The following SLC9D1 variants were observed in gnomAD, a reference collection of about 807,000 sequenced individuals.
SLC9D1 encodes the protein solute carrier family 9 member D1, also known as putative LAG1-interacting protein.
At chr13:113,506,071 T>TC in the SLC9D1 span, 1 of 169,406 alleles carries the variant, frequency 5.9e-6, no homozygotes, top group Non-Finnish European at 1.2e-5. Flanking sequence ...CTCTCCTGGG[T>TC]CCTAATGAAA....
the SLC9D1 span, among the ~76,000 whole-genome samples, chr13:113,533,273 TCATTCCATCCCTCTC>T: frequency 1.4e-4 from 18 of 131,526 alleles, no homozygotes; most frequent in African/African-American, 6.2e-4. Context: ...TTCCATCCCT[TCATTCCATCCCTCTC>T]TGCTTCAAGC....
chr13:113,509,034 T>TCC, the SLC9D1 span, among the ~76,000 whole-genome samples: 7 of 120,004 alleles, frequency 5.8e-5, no homozygotes, highest in African/African-American at 1.8e-4. Flanking sequence ...GGCGGGTGGG[T>TCC]CCCCTGACAC....
chr13:113,543,094 CCACCTCCTCCCCCTGCCCCCA>C, the SLC9D1 span, among the ~76,000 whole-genome samples: 2 of 103,666 alleles, frequency 1.9e-5, no homozygotes, highest in Non-Finnish European at 4.1e-5. Context: ...TCTGTGACCC[CCACCTCCTCCCCCTGCCCCCA>C]GCCCTCCCTG....
chr13:113,499,724 C>G, the SLC9D1 span, among the ~76,000 whole-genome samples: 1 of 152,116 alleles, frequency 6.6e-6, no homozygotes, highest in Non-Finnish European at 1.5e-5. Flanking sequence ...GAGGAGAACT[C>G]GTATTTTAAG....
the SLC9D1 span, among the ~76,000 whole-genome samples, chr13:113,522,564 TCTC>T: frequency 6.6e-6 from 1 of 152,084 alleles, no homozygotes; most frequent in African/African-American, 2.4e-5. Context: ...ATGGTCTCGA[TCTC>T]CTGACCTTGT....
chr13:113,510,387 C>T, the SLC9D1 span: 1 of 1,613,686 alleles, frequency 6.2e-7, no homozygotes, highest in Non-Finnish European at 8.5e-7. Flanking sequence ...CCCTCGTGTC[C>T]AGGTTCCTCA....
At chr13:113,516,000 C>T in the SLC9D1 span, among the ~76,000 whole-genome samples, 4 of 150,108 alleles carry the variant, frequency 2.7e-5, 1 homozygote, top group South Asian at 8.4e-4. Context: ...TGTGTGGAAT[C>T]TTTAGGATTT....
chr13:113,492,691 A>T, the SLC9D1 span, among the ~76,000 whole-genome samples: 1 of 152,226 alleles, frequency 6.6e-6, no homozygotes, highest in Non-Finnish European at 1.5e-5. Context: ...TGAGGTCAGG[A>T]GTTTGAGACC....
chr13:113,548,351 C>T, the SLC9D1 span: 5 of 1,614,068 alleles, frequency 3.1e-6, no homozygotes, highest in Non-Finnish European at 4.2e-6. Context: ...GAGGAGCAGC[C>T]AGTACATCAA....
the SLC9D1 span, chr13:113,550,033 T>G: frequency 9.2e-6 from 2 of 217,440 alleles, no homozygotes; most frequent in South Asian, 1.6e-4. Flanking sequence ...AAGCCTATGT[T>G]TTCTAAAATG....
the SLC9D1 span, among the ~76,000 whole-genome samples, chr13:113,543,159 TA>T: frequency 0.027 from 1,128 of 41,346 alleles, 69 homozygotes; most frequent in South Asian, 0.042. Flanking sequence ...CCCCCCGCCC[TA>T]CCTCTGTCCG....
At chr13:113,526,847 C>G in the SLC9D1 span, among the ~76,000 whole-genome samples, 1 of 152,230 alleles carries the variant, frequency 6.6e-6, no homozygotes, top group South Asian at 2.1e-4. Flanking sequence ...CTGCAAGCGC[C>G]CTGTACAGGT....
chr13:113,537,106 C>T, the SLC9D1 span, among the ~76,000 whole-genome samples: 13 of 152,118 alleles, frequency 8.5e-5, no homozygotes, highest in Admixed American at 5.2e-4. Flanking sequence ...GCCTCCAGGT[C>T]GTTATTCTGT....
At chr13:113,500,066 CTG>C in the SLC9D1 span, 1 of 1,597,264 alleles carries the variant, frequency 6.3e-7, no homozygotes, top group South Asian at 1.1e-5. Flanking sequence ...TCTTAGCATG[CTG>C]ATTGACTCCC....
chr13:113,548,575 G>T, the SLC9D1 span: 29 of 1,095,114 alleles, frequency 2.6e-5, no homozygotes, highest in Non-Finnish European at 3.6e-5. Flanking sequence ...CCTCCTCCAG[G>T]GGGGCACGCA....
chr13:113,541,725 G>A, the SLC9D1 span, among the ~76,000 whole-genome samples: 1 of 10,754 alleles, frequency 9.3e-5, no homozygotes, highest in Non-Finnish European at 1.6e-4. Flanking sequence ...CCGCCGAGAT[G>A]TGTGGATGAT....
At chr13:113,529,309 G>A in the SLC9D1 span, 1 of 152,014 alleles carries the variant, frequency 6.6e-6, no homozygotes, top group Non-Finnish European at 1.5e-5. Context: ...CGGGCCGGGT[G>A]CAGCGGCTCA....
chr13:113,502,411 C>T, the SLC9D1 span, among the ~76,000 whole-genome samples: 4 of 152,116 alleles, frequency 2.6e-5, no homozygotes, highest in Non-Finnish European at 4.4e-5. Context: ...GACGGGGTTT[C>T]ACTATGTTAG....
chr13:113,520,048 T>G, the SLC9D1 span, among the ~76,000 whole-genome samples: 1 of 152,246 alleles, frequency 6.6e-6, no homozygotes, highest in African/African-American at 2.4e-5. Context: ...CCATGTCACC[T>G]TTTTGTCATG....
Sources: gnomAD v4.1 joint callset for allele counts (sites outside exome capture counted in the v4.1 genomes callset) on GRCh38, gnomAD v4.1.1 for gene constraint, MANE v1.5 for transcripts, NCBI Gene and HGNC (gene_info 2026-07-23, HGNC 2026-07-21) for gene names.